The following MARK2 variants were observed in gnomAD, a reference collection of about 807,000 sequenced individuals.
MARK2 encodes microtubule affinity regulating kinase 2.
A neutral mutation model predicts 89.8 loss-of-function variants in MARK2; 16 were observed. The observed-to-expected ratio is 0.18, with a 90% CI of 0.12 to 0.27. MARK2 has a LOEUF of 0.27. Among genes scored for constraint, MARK2 ranks in the 10% least tolerant of loss-of-function variants. MARK2 has a pLI of 1.00. For synonymous variants in MARK2, 382 were observed against 399.5 expected, an observed-to-expected ratio of 0.96 and a Z score of 0.52; for missense variants, 621 against 1,049.9, an observed-to-expected ratio of 0.59 and a Z score of 5.65.
In MARK2 at chr11:63,910,652, A is replaced by ATTTAT. The variant is rs1941692421; in HGVS notation, c.*1418_*1419insATTTT. ...GTTTTATTTTTTATTATTTTATTTT[A>ATTTAT]TTTTTTTTTTTTTTGATTTATGATG... On this transcript the variant is annotated 3_prime_UTR_variant, in exon 19 of 19. Transcript: ENST00000402010. The ATTTAT allele has an allele frequency of 2.2e-5, 3 of 137,436 alleles. No individual in the cohort carries two copies. Among genetic ancestry groups the ATTTAT allele is most frequent in the Non-Finnish European group, 4.7e-5 (3 of 64,268 alleles). 8.5% of individuals were successfully genotyped at this position (137,436 alleles called of 1,614,324 possible).
Position 63,902,260 on chromosome 11 carries a change from C to T in MARK2, c.1164C>T (p.Ala388=). 6.2e-7 allele frequency: 1 copy of T among 1,614,114 alleles called. No individual in the cohort carries two copies. Among genetic ancestry groups the T allele is most frequent in the Non-Finnish European group, 8.5e-7 (1 of 1,179,996 alleles). Residue 388 remains alanine (A), a synonymous_variant, in exon 12 of 19, where the codon GCC becomes GCT. Transcript: ENST00000402010. The surrounding 1 kb of genome is among the most constrained non-coding windows in gnomAD (Gnocchi z 4.2). ...CAGCTGATCTGACCAATAGCAGCGC[C>T]CCATCCCCATCCCACAAGGTACAGC... is the stretch of plus-strand genomic sequence containing the variant. ...RPSADLTNSS[A]PSPSHKVQRS... is the part of the protein sequence containing the mutation.
In MARK2 at chr11:63,843,412, G is replaced by A. The variant is rs955550591; in HGVS notation, c.54+3852G>A. On this transcript the variant is annotated intron_variant, in intron 1 of 18. Coordinates refer to ENST00000402010, the MANE Select transcript of MARK2 (RefSeq NM_001039469.3). ...TGAGAGAGGGATTGAGAGAAAACTT[G>A]CCCCACTTCTGCTGCAGTGGGAAGG... 8.5e-5 allele frequency among the ~76,000 whole-genome samples: 13 copies of A among 152,180 alleles called. No homozygotes were observed. In the East Asian group the frequency reaches 2.5e-3, roughly 29 times the overall value.
intron 1 of MARK2, among the ~76,000 whole-genome samples, chr11:63,884,134 T>G (rs762067296): frequency 6.6e-6 from 1 of 152,194 alleles, no homozygotes; most frequent in Non-Finnish European, 1.5e-5. Flanking sequence ...TCCAGAGTAC[T>G]GCTCAACAAA....
At chr11:63,853,699 G>T (rs936450014) in intron 1 of MARK2, among the ~76,000 whole-genome samples, 5 of 152,136 alleles carry the variant, frequency 3.3e-5, no homozygotes, top group African/African-American at 1.2e-4. Flanking sequence ...GCCGTAACAT[G>T]GATCAAGGAA....
intron 17 of MARK2, among the ~76,000 whole-genome samples, chr11:63,907,959 G>A (rs1274999271): frequency 2.6e-5 from 4 of 152,230 alleles, no homozygotes; most frequent in Non-Finnish European, 5.9e-5. Flanking sequence ...AGTGAAGTGC[G>A]TGCACAGCCA....
rs1025450033 is a variant in MARK2, at chr11:63,902,961, G to A, written c.1417-100G>A. Reference sequence around the variant, plus strand: ...CTTAACCTACCACTGTCTGCTTCAGGTGGAAGGGACAGGAAGCCTGTTCCA... The same window carrying A: ...CTTAACCTACCACTGTCTGCTTCAGATGGAAGGGACAGGAAGCCTGTTCCA... On this transcript the variant is annotated intron_variant, in intron 13 of 18. Coordinates refer to ENST00000402010, the MANE Select transcript of MARK2 (RefSeq NM_001039469.3). This position sits in a 1 kb window ranked among gnomAD's most constrained non-coding sequence, Gnocchi z 4.2. The A allele has an allele frequency of 1.8e-5, 21 of 1,162,986 alleles. No homozygotes were observed. Among genetic ancestry groups the A allele is most frequent in the Non-Finnish European group, 2.7e-5 (21 of 778,204 alleles). 72.0% of individuals were successfully genotyped at this position (1,162,986 alleles called of 1,614,324 possible).
In MARK2 at chr11:63,898,522, G is replaced by A. The variant is rs932614696; in HGVS notation, c.338-86G>A. 3.6e-5 allele frequency: 40 copies of A among 1,114,598 alleles called. No individual in the cohort carries two copies. In the Middle Eastern group the frequency reaches 1.2e-3, roughly 33 times the overall value. The allele number at this position is 1,114,598 out of a possible 1,614,324, so 69.0% of individuals were successfully genotyped here. On this transcript the variant is annotated intron_variant, in intron 4 of 18. Coordinates refer to ENST00000402010, the MANE Select transcript of MARK2 (RefSeq NM_001039469.3). ...GATCATGAAAGGAGGGGAGACTTTC[G>A]TTCCTAGGATGCTCCTGGACATGTT...
intron 1 of MARK2, among the ~76,000 whole-genome samples, chr11:63,893,490 A>G (rs537869745): frequency 6.6e-6 from 1 of 151,646 alleles, no homozygotes; most frequent in Non-Finnish European, 1.5e-5. Context: ...TTTGACTATT[A>G]TGGATTATGG....
At chr11:63,886,756 A>G (rs185723124) in intron 1 of MARK2, among the ~76,000 whole-genome samples, 2 of 152,232 alleles carry the variant, frequency 1.3e-5, no homozygotes, top group East Asian at 1.9e-4. Flanking sequence ...ATCCTACCCT[A>G]TCTCTTCCCA....
chr11:63,905,084 G>A (rs756912176), intron 16 of MARK2, 41 bp downstream of exon 16: 4 of 1,464,350 alleles, frequency 2.7e-6, no homozygotes, highest in Non-Finnish European at 3.7e-6. Flanking sequence ...CTCAGGCCAG[G>A]CCTTCCTGCT....
At chr11:63,874,489 A>G (rs1044345595) in intron 1 of MARK2, among the ~76,000 whole-genome samples, 1 of 152,192 alleles carries the variant, frequency 6.6e-6, no homozygotes, top group African/African-American at 2.4e-5. Context: ...AAAAAACCCA[A>G]AGAACATTGG....
At position 63,851,488 on chromosome 11, in the gene MARK2, C is replaced by T. The variant is rs544414475; in HGVS notation, c.54+11928C>T. On this transcript the variant is annotated intron_variant, in intron 1 of 18. Coordinates refer to ENST00000402010, the MANE Select transcript of MARK2 (RefSeq NM_001039469.3). Reference sequence around the variant, plus strand: ...ATTGTATTTTCCTCTTCCTTTTGAACCCCTCTGCTGACTTGTTTCACTTTC... The same window carrying T: ...ATTGTATTTTCCTCTTCCTTTTGAATCCCTCTGCTGACTTGTTTCACTTTC... 6.0e-5 allele frequency among the ~76,000 whole-genome samples: 9 copies of T among 149,260 alleles called. No homozygotes were observed. The South Asian group carries it at 1.9e-3, about 32-fold the overall frequency.
chr11:63,897,705 A>G (rs1232170882), intron 3 of MARK2, among the ~76,000 whole-genome samples: 2 of 152,186 alleles, frequency 1.3e-5, no homozygotes, highest in Admixed American at 6.5e-5. Flanking sequence ...GGCATCAGCT[A>G]TATATAGGAG....
intron 1 of MARK2, among the ~76,000 whole-genome samples, chr11:63,853,126 C>T (rs997278373): frequency 9.9e-5 from 15 of 152,026 alleles, no homozygotes; most frequent in Non-Finnish European, 2.1e-4. Context: ...TAGCCAGGCG[C>T]GGTGGCTCAT....
At chr11:63,858,542 T>G (rs985412548) in intron 1 of MARK2, among the ~76,000 whole-genome samples, 3 of 151,944 alleles carry the variant, frequency 2.0e-5, no homozygotes, top group East Asian at 1.9e-4. Context: ...TTAGTAGAGA[T>G]AGGGTTTTCA....
chr11:63,873,268 A>G (rs1303536297), intron 1 of MARK2, among the ~76,000 whole-genome samples: 5 of 152,060 alleles, frequency 3.3e-5, no homozygotes, highest in Non-Finnish European at 5.9e-5. Flanking sequence ...AGAGTACAAT[A>G]TCCCTTTTTT....
chr11:63,839,385 C>G lies in MARK2; in HGVS notation c.-122C>G. 1 of 604,684 alleles carries G rather than the reference C, an allele frequency of 1.7e-6. No homozygotes were observed. Among genetic ancestry groups the G allele is most frequent in the Admixed American group, 3.4e-5 (1 of 29,188 alleles). The allele number at this position is 604,684 out of a possible 1,614,324, so 37.5% of individuals were successfully genotyped here. On this transcript the variant is annotated 5_prime_UTR_variant, in exon 1 of 19. Transcript: ENST00000402010. ...GCGGCTGCCCGGCCTCCCCGCACCC[C>G]CGGCCGGGGCCCATGCGGCGGGTGC...
intron 11 of MARK2, among the ~76,000 whole-genome samples, chr11:63,901,572 G>A (rs1351079819): frequency 3.0e-5 from 4 of 133,908 alleles, no homozygotes; most frequent in Admixed American, 8.8e-5. Flanking sequence ...TCCGCCTCCC[G>A]GGTTCAAGCG....
At chr11:63,845,839 C>T (rs2016250951) in intron 1 of MARK2, among the ~76,000 whole-genome samples, 1 of 152,096 alleles carries the variant, frequency 6.6e-6, no homozygotes, top group African/African-American at 2.4e-5. Flanking sequence ...TCTCATGCCT[C>T]AGTCTTCCAA....
Sources: allele counts gnomAD v4.1 joint callset (sites outside exome capture counted in the v4.1 genomes callset), GRCh38; gene constraint gnomAD v4.1.1; non-coding constraint Gnocchi (gnomAD v3.1); transcripts MANE v1.5; gene names NCBI Gene and HGNC (gene_info 2026-07-23, HGNC 2026-07-21).